Variants in HMX1 observed in about 807,000 individuals in gnomAD.
HMX1 encodes H6 family homeobox 1.
HMX1 carries 8 observed loss-of-function variants against 8.9 expected under a neutral mutation model. That is an observed-to-expected ratio of 0.90 (90% confidence interval 0.53 to 1.63). The LOEUF (loss-of-function observed/expected upper bound fraction) is 1.63, where lower values mean the gene tolerates loss of function less well. Ranked by LOEUF, HMX1 falls within the 40% of genes most tolerant of loss-of-function variation. The pLI, the probability that HMX1 is intolerant of heterozygous loss-of-function variation, is 0.00. For synonymous variants in HMX1, 311 were observed against 283.4 expected, an observed-to-expected ratio of 1.10 and a Z score of -0.98; for missense variants, 621 against 558.5, an observed-to-expected ratio of 1.11 and a Z score of -1.13.
rs1721310638 is a variant in HMX1 at position 8,847,370 on chromosome 4, A to G, written c.395-1046T>C. Among the ~76,000 whole-genome samples, 1 of 152,250 alleles carries G rather than the reference A, an allele frequency of 6.6e-6. No homozygotes were observed. Among genetic ancestry groups the G allele is most frequent in the South Asian group, 2.1e-4 (1 of 4,826 alleles). Reference sequence around the variant, plus strand: ...GACTTAAGAATTCCTGGTTCACACCAGGAGGAGCAAGATGTTTCTGGGAAC... The same window carrying G: ...GACTTAAGAATTCCTGGTTCACACCGGGAGGAGCAAGATGTTTCTGGGAAC... On this transcript the variant is annotated intron_variant, in intron 1 of 1. Coordinates refer to the HMX1 transcript ENST00000506970. The surrounding 1 kb of genome is among the most constrained non-coding windows in gnomAD (Gnocchi z 6.0).
chr4:8,856,293 T>C (rs1721605965), intron 1 of HMX1, among the ~76,000 whole-genome samples: 1 of 152,208 alleles, frequency 6.6e-6, no homozygotes, highest in African/African-American at 2.4e-5. Context: ...AGAAGCGTCC[T>C]ATTTAGAAAT....
Position 8,848,363 on chromosome 4 carries a change from T to G in HMX1, c.395-2039A>C, listed in dbSNP as rs2109451418. Among the ~76,000 whole-genome samples, 1 of 152,366 alleles carries G rather than the reference T, an allele frequency of 6.6e-6. No individual in the cohort carries two copies. Among genetic ancestry groups the G allele is most frequent in the Non-Finnish European group, 1.5e-5 (1 of 68,034 alleles). On this transcript the variant is annotated intron_variant, in intron 1 of 1. Transcript: ENST00000506970. The surrounding 1 kb of genome is among the most constrained non-coding windows in gnomAD (Gnocchi z 4.1). The stretch of plus-strand genomic sequence containing the variant: ...AGAAAATTTATATCACATATGTGGT[T>G]CACAGTCATAGCTTCTATTGGACAA...
intron 1 of HMX1, among the ~76,000 whole-genome samples, chr4:8,850,852 C>T (rs539442711): frequency 2.6e-5 from 4 of 152,352 alleles, no homozygotes; most frequent in Middle Eastern, 6.8e-3. Flanking sequence ...GGACTGTTGC[C>T]GCCAGTGTTG....
chr4:8,856,551 A>T (rs1721613958), intron 1 of HMX1, among the ~76,000 whole-genome samples: 1 of 152,184 alleles, frequency 6.6e-6, no homozygotes, highest in African/African-American at 2.4e-5. Context: ...GCGTCTATGT[A>T]GACATTTTTC....
chr4:8,860,930 CAG>C (rs1396033388), intron 1 of HMX1: 4 of 146,512 alleles, frequency 2.7e-5, no homozygotes, highest in African/African-American at 1.1e-4. Context: ...TTCCAGACGC[CAG>C]AGAGACGCCA....
At chr4:8,852,702 T>A (rs1721492102) in intron 1 of HMX1, among the ~76,000 whole-genome samples, 1 of 152,238 alleles carries the variant, frequency 6.6e-6, no homozygotes, top group African/African-American at 2.4e-5. Context: ...ACTGACAGCA[T>A]TCTCTTTTGT....
downstream of HMX1, among the ~76,000 whole-genome samples, chr4:8,863,517 C>T (rs1285181394): frequency 3.3e-5 from 5 of 152,350 alleles, no homozygotes; most frequent in African/African-American, 1.2e-4. Context: ...ACTGGGCACC[C>T]CTCCCCTGCA....
Position 8,867,109 on chromosome 4 carries a change from A to T in HMX1, c.*584T>A. 1 of 985,184 alleles carries T rather than the reference A, an allele frequency of 1.0e-6. No individual in the cohort carries two copies. The highest frequency in any genetic ancestry group is 1.2e-6 in the Non-Finnish European group (1 of 829,882). The allele number at this position is 985,184 out of a possible 1,614,324, so 61.0% of individuals were successfully genotyped here. On this transcript the variant is annotated 3_prime_UTR_variant, in exon 2 of 2. Coordinates refer to ENST00000400677, the MANE Select transcript of HMX1 (RefSeq NM_018942.3). ...AGTAGATTCATTTAAAAAAACAACA[A>T]CCCGGAGGCTGCGACGTCTGCAGAG...
rs768100859 is a variant in HMX1, at chr4:8,868,028, C to T, written c.712G>A (p.Ala238Thr). 2.0e-6 allele frequency: 3 copies of T among 1,536,836 alleles called. No homozygotes were observed. The South Asian group carries it at 3.6e-5, about 19-fold the overall frequency. Residue 238 changes from alanine to threonine, a missense_variant, in exon 2 of 2, where the codon GCC becomes ACC. Coordinates refer to ENST00000400677, the MANE Select transcript of HMX1 (RefSeq NM_018942.3). The surrounding 1 kb of genome is among the most constrained non-coding windows in gnomAD (Gnocchi z 4.6). Reference sequence around the variant, plus strand: ...TGCGTCTCGGTGAGCTGCAGGGAGGCGGCCAGGCCGGCGCGCTCGGCGCTG... The same window carrying T: ...TGCGTCTCGGTGAGCTGCAGGGAGGTGGCCAGGCCGGCGCGCTCGGCGCTG... ...LSSAERAGLA[A>T]SLQLTETQVK... is the part of the protein sequence containing the mutation.
rs781097043 is a variant in HMX1 at position 8,868,562 on chromosome 4, G to A, written c.395-217C>T. On this transcript the variant is annotated intron_variant, in intron 1 of 1. Coordinates refer to ENST00000400677, the MANE Select transcript of HMX1 (RefSeq NM_018942.3). The surrounding 1 kb of genome is among the most constrained non-coding windows in gnomAD (Gnocchi z 4.6). ...GGCAGCAGCTCCAAACCAACACCCC[G>A]CAACACACCAACACCCCGCAACACA... Among the ~76,000 whole-genome samples, 26 of 151,878 alleles carry A rather than the reference G, an allele frequency of 1.7e-4. No individual in the cohort carries two copies. The highest frequency in any genetic ancestry group is 5.9e-4 in the Admixed American group (9 of 15,250).
chr4:8,852,602 G>A (rs894835882), intron 1 of HMX1, among the ~76,000 whole-genome samples: 4 of 152,294 alleles, frequency 2.6e-5, no homozygotes, highest in South Asian at 4.1e-4. Context: ...CTGAGCTCAC[G>A]GGAGTCAGCC....
At position 8,868,262 on chromosome 4, in the gene HMX1, C is replaced by G. The variant is rs1722092291; in HGVS notation, c.478G>C (p.Val160Leu). 1.4e-6 allele frequency: 2 copies of G among 1,441,292 alleles called. No individual in the cohort carries two copies. Among genetic ancestry groups the G allele is most frequent in the Admixed American group, 5.3e-5 (2 of 37,520 alleles). The allele number at this position is 1,441,292 out of a possible 1,614,324, so 89.3% of individuals were successfully genotyped here. A position where few individuals can be genotyped will look rare whatever the true frequency, so the allele number is the denominator to read the frequency against. ...GCCAGCTCCGCTGCCTCCCGCTGCA[C>G]CGCTCCCGGCCCGGGGCCTCGCGGC... is the stretch of plus-strand genomic sequence containing the variant. ...AWPRGPGPGA[V>L]QREAAELAAR... The change falls in exon 2 of 2, where the codon GTG (valine) becomes CTG (leucine). Residue 160 changes from valine to leucine, a missense_variant. Val to Leu is a conservative substitution (Grantham distance 32). Coordinates refer to ENST00000400677, the MANE Select transcript of HMX1 (RefSeq NM_018942.3). The surrounding 1 kb of genome is among the most constrained non-coding windows in gnomAD (Gnocchi z 4.6).
downstream of HMX1, among the ~76,000 whole-genome samples, chr4:8,863,370 C>T (rs935950535): frequency 6.6e-6 from 1 of 152,218 alleles, no homozygotes; most frequent in Admixed American, 6.5e-5. Flanking sequence ...GAAGCCCACC[C>T]GGCCTCTCCC....
At chr4:8,859,869 CA>C (rs1338405527) in intron 1 of HMX1, among the ~76,000 whole-genome samples, 1 of 152,244 alleles carries the variant, frequency 6.6e-6, no homozygotes, top group East Asian at 1.9e-4. Context: ...TTCGCCATTC[CA>C]GAGCAGGCGC....
At position 8,848,709 on chromosome 4, in the gene HMX1, T is replaced by A. The variant is rs1721347428; in HGVS notation, c.395-2385A>T. Among the ~76,000 whole-genome samples, 1 of 152,124 alleles carries A rather than the reference T, an allele frequency of 6.6e-6. No homozygotes were observed. The highest frequency in any genetic ancestry group is 2.1e-4 in the South Asian group (1 of 4,832). ...GCAAGAACACAGATCTGCAGGCCACTAGAACCAAGCAAGATGCCAACATGC... is the reference window on the plus strand; with the variant it reads ...GCAAGAACACAGATCTGCAGGCCACAAGAACCAAGCAAGATGCCAACATGC... On this transcript the variant is annotated intron_variant, in intron 1 of 1. Coordinates refer to the HMX1 transcript ENST00000506970. This position sits in a 1 kb window ranked among gnomAD's most constrained non-coding sequence, Gnocchi z 4.1.
rs374211762 is a variant in HMX1, at chr4:8,871,015, G to C, written c.394+206C>G. ...AAGCTATGGCCTGCAAAACCTCCTCGTTAGCGGAGCTCCTGCCCCAGAGGG... is the reference window on the plus strand; with the variant it reads ...AAGCTATGGCCTGCAAAACCTCCTCCTTAGCGGAGCTCCTGCCCCAGAGGG... On this transcript the variant is annotated intron_variant, in intron 1 of 1. Transcript: ENST00000400677. The surrounding 1 kb of genome is among the most constrained non-coding windows in gnomAD (Gnocchi z 4.8). 9.2e-4 allele frequency among the ~76,000 whole-genome samples: 140 copies of C among 152,206 alleles called. 1 individual carries two copies. Among genetic ancestry groups the C allele is most frequent in the Middle Eastern group, 3.4e-3 (1 of 294 alleles).
chr4:8,852,297 C>T (rs1413348839), intron 1 of HMX1, among the ~76,000 whole-genome samples: 9 of 152,338 alleles, frequency 5.9e-5, no homozygotes, highest in South Asian at 2.1e-4. Flanking sequence ...CTGCTGGAGC[C>T]GCCTGAAACC....
Position 8,871,326 on chromosome 4 carries a change from G to A in HMX1, c.289C>T (p.Arg97Trp). ...GGCGGCCCGGGACCGGGGGGCGGCC[G>A]AGGACCGAGGCCCAGCGCGCCCGGC... Reference protein sequence around the residue: ...LGPGALGLGPRPPPGPGPPFA... With the variant: ...LGPGALGLGPWPPPGPGPPFA... Residue 97 changes from arginine (R) to tryptophan (W), a missense_variant, in exon 1 of 2, where the codon CGG becomes TGG. Transcript: ENST00000400677. This position sits in a 1 kb window ranked among gnomAD's most constrained non-coding sequence, Gnocchi z 4.8. 3 of 1,339,756 alleles carry A rather than the reference G, an allele frequency of 2.2e-6. No individual in the cohort carries two copies. In the South Asian group the frequency reaches 5.4e-5, roughly 24 times the overall value. The allele number at this position is 1,339,756 out of a possible 1,614,324, so 83.0% of individuals were successfully genotyped here.
At chr4:8,866,620 C>A (rs1020593074), downstream of HMX1, among the ~76,000 whole-genome samples, 2 of 152,216 alleles carry the variant, frequency 1.3e-5, no homozygotes, top group Admixed American at 1.3e-4. Context: ...GGCAAGAGCA[C>A]GGTGGCCTGA....
Sources: allele counts gnomAD v4.1 joint callset (sites outside exome capture counted in the v4.1 genomes callset), GRCh38; gene constraint gnomAD v4.1.1; non-coding constraint Gnocchi (gnomAD v3.1); transcripts MANE v1.5; gene names NCBI Gene and HGNC (gene_info 2026-07-23, HGNC 2026-07-21).